The following BICRA variants were observed in gnomAD, a reference collection of about 807,000 sequenced individuals.
BICRA encodes the protein BRD4-interacting chromatin-remodeling complex-associated protein.
In BICRA, 31 loss-of-function variants were observed where a neutral mutation model predicts 96.9. The observed-to-expected ratio is 0.32, with a 90% confidence interval of 0.24 to 0.43. The LOEUF (loss-of-function observed/expected upper bound fraction) is 0.43. Ranked by LOEUF, BICRA falls within the 20% of genes least tolerant of loss-of-function variation. BICRA has a pLI of 1.00. For missense variants in BICRA, 2,283 were observed against 2,190.3 expected (o/e 1.04, Z -0.84); for synonymous variants, 1,350 against 1,071.8 (o/e 1.26, Z -5.07).
intron 1 of BICRA, among the ~76,000 whole-genome samples, chr19:47,660,002 GTC>G (rs1199540703): frequency 6.6e-6 from 1 of 152,062 alleles, no homozygotes; most frequent in African/African-American, 2.4e-5. Flanking sequence ...TATTGTATGC[GTC>G]TCTGTCTTAG....
In BICRA at chr19:47,613,043, G is replaced by A. The variant is rs141098284; in HGVS notation, c.-108+3875G>A. On this transcript the variant is annotated intron_variant, in intron 1 of 14. Coordinates refer to ENST00000594866, the MANE Select transcript of BICRA (RefSeq NM_001394372.1). ...TGAATGTAGGAACTGATCTTTTTGG[G>A]GGGCTGGTGGGAGAAGTCCGAGTGA... 1.2e-3 allele frequency among the ~76,000 whole-genome samples: 189 copies of A among 152,248 alleles called. 1 individual carries two copies. The highest frequency in any genetic ancestry group is 2.3e-3 in the Admixed American group (35 of 15,296).
At position 47,701,648 on chromosome 19, in the gene BICRA, A is replaced by G. The variant is rs774570521; in HGVS notation, c.3916A>G (p.Ile1306Val). ...CAAGACCTACGAGGCCCGGAGCCGCATCGGGCTCAAGCTCAAGATCAAGCA... is the reference window on the plus strand; with the variant it reads ...CAAGACCTACGAGGCCCGGAGCCGCGTCGGGCTCAAGCTCAAGATCAAGCA... ...PIKTYEARSR[I>V]GLKLKIKQEA... The change falls in exon 15 of 15, where the codon ATC becomes GTC. Residue 1306 changes from isoleucine to valine, a missense_variant. Coordinates refer to ENST00000594866, the MANE Select transcript of BICRA (RefSeq NM_001394372.1). This position sits in a 1 kb window ranked among gnomAD's most constrained non-coding sequence, Gnocchi z 5.4. 1 of 1,596,304 alleles carries G rather than the reference A, an allele frequency of 6.3e-7. No homozygotes were observed. The highest frequency in any genetic ancestry group is 8.5e-7 in the Non-Finnish European group (1 of 1,172,968).
Position 47,702,731 on chromosome 19 carries a change from GTT to G in BICRA, c.*318_*319del, listed in dbSNP as rs1973488223. 6 of 389,310 alleles carry G rather than the reference GTT, an allele frequency of 1.5e-5. No homozygotes were observed. The highest frequency in any genetic ancestry group is 2.7e-5 in the Non-Finnish European group (6 of 218,420). 24.1% of individuals were successfully genotyped at this position (389,310 alleles called of 1,614,324 possible). A position where few individuals can be genotyped will look rare whatever the true frequency, so the allele number is the denominator to read the frequency against. On this transcript the variant is annotated 3_prime_UTR_variant, in exon 15 of 15. Transcript: ENST00000594866. ...CTCTGTCCGGGGGACACGCGCATGT[GTT>G]TGCCAGGGATGGGGCCACCGGGTTG...
chr19:47,660,713 G>T (rs1046232525), intron 1 of BICRA, among the ~76,000 whole-genome samples: 3 of 152,148 alleles, frequency 2.0e-5, no homozygotes, highest in Non-Finnish European at 4.4e-5. Context: ...CCCCTGCTGT[G>T]GGGGGTGGAG....
At chr19:47,652,642 GTTGAC>G (rs1481622425) in intron 1 of BICRA, among the ~76,000 whole-genome samples, 5 of 152,190 alleles carry the variant, frequency 3.3e-5, no homozygotes, top group Non-Finnish European at 7.3e-5. Flanking sequence ...GCAAGTAACA[GTTGAC>G]TTGACCACTG....
intron 1 of BICRA, among the ~76,000 whole-genome samples, chr19:47,639,495 ATTT>A (rs1348445768): frequency 6.6e-6 from 1 of 150,798 alleles, no homozygotes; most frequent in East Asian, 2.0e-4. Flanking sequence ...CACCAGGCTA[ATTT>A]TTTAGTATTT....
At position 47,701,831 on chromosome 19, in the gene BICRA, C is replaced by T. The variant is rs1008350096; in HGVS notation, c.4099C>T (p.Pro1367Ser). 13 of 1,523,992 alleles carry T rather than the reference C, an allele frequency of 8.5e-6. No homozygotes were observed. In the African/African-American group the frequency reaches 1.7e-4, roughly 20 times the overall value. 94.4% of individuals were successfully genotyped at this position (1,523,992 alleles called of 1,614,324 possible). ...GATGAACGGCACGGTGGACCACCCGCCGCCTGCCGCCCCCGAGCGCAAGCC... is the reference window on the plus strand; with the variant it reads ...GATGAACGGCACGGTGGACCACCCGTCGCCTGCCGCCCCCGAGCGCAAGCC... Reference protein sequence around the residue: ...GQMNGTVDHPPPAAPERKPLG... With the variant: ...GQMNGTVDHPSPAAPERKPLG... The change falls in exon 15 of 15, where the codon CCG becomes TCG. Residue 1367 changes from proline to serine, a missense_variant. Coordinates refer to ENST00000594866, the MANE Select transcript of BICRA (RefSeq NM_001394372.1). This position sits in a 1 kb window ranked among gnomAD's most constrained non-coding sequence, Gnocchi z 5.4.
At chr19:47,683,940 A>G (rs892701022) in intron 7 of BICRA, among the ~76,000 whole-genome samples, 3 of 152,184 alleles carry the variant, frequency 2.0e-5, no homozygotes, top group Non-Finnish European at 4.4e-5. Context: ...ACCAGTGGAT[A>G]GGTAGGAAGA....
chr19:47,665,487 TG>T (rs896761064), intron 1 of BICRA, among the ~76,000 whole-genome samples: 5 of 152,042 alleles, frequency 3.3e-5, no homozygotes, highest in Non-Finnish European at 7.4e-5. Flanking sequence ...TTGTTTTTTT[TG>T]GGATGGGGTC....
In BICRA at chr19:47,701,234, C is replaced by T. The variant is rs1238164100; in HGVS notation, c.3596-94C>T. On this transcript the variant is annotated intron_variant, in intron 14 of 14. Transcript: ENST00000594866. This position sits in a 1 kb window ranked among gnomAD's most constrained non-coding sequence, Gnocchi z 5.4. ...GTCCAGGGTGCAGTCTGGTGCCTGG[C>T]AGGTAGTAGGTGCTCACTGCACACA... is the stretch of plus-strand genomic sequence containing the variant. 7 of 819,436 alleles carry T rather than the reference C, an allele frequency of 8.5e-6. No homozygotes were observed. Among genetic ancestry groups the T allele is most frequent in the African/African-American group, 1.7e-5 (1 of 58,722 alleles). 50.8% of individuals were successfully genotyped at this position (819,436 alleles called of 1,614,324 possible). A position where few individuals can be genotyped will look rare whatever the true frequency, so the allele number is the denominator to read the frequency against.
rs3074109 is a variant in BICRA, at chr19:47,685,741, CTGTGTG to C, written c.2283+3630_2283+3635del. 7.8e-3 allele frequency among the ~76,000 whole-genome samples: 901 copies of C among 115,530 alleles called. 5 individuals carry two copies. The highest frequency in any genetic ancestry group is 0.013 in the South Asian group (41 of 3,078). 75.8% of individuals were successfully genotyped at this position (115,530 alleles called of 152,430 possible). A position where few individuals can be genotyped will look rare whatever the true frequency, so the allele number is the denominator to read the frequency against. On this transcript the variant is annotated intron_variant, in intron 7 of 14. Coordinates refer to ENST00000594866, the MANE Select transcript of BICRA (RefSeq NM_001394372.1). ...TGTACCCAGATGGATTTGGCAGCCT[CTGTGTG>C]TGTGTGTGTGTGTGTGTGTGTGTGT...
intron 6 of BICRA, among the ~76,000 whole-genome samples, chr19:47,681,621 G>A (rs1973062614): frequency 6.6e-6 from 1 of 151,918 alleles, no homozygotes; most frequent in Non-Finnish European, 1.5e-5. Flanking sequence ...AGAGGAGAGG[G>A]ACCGGCAGGG....
In BICRA at chr19:47,694,311, C is replaced by G. The variant is rs750493145; in HGVS notation, c.2480C>G (p.Ala827Gly). The change falls in exon 8 of 15, where the codon GCC becomes GGC. Residue 827 changes from alanine to glycine, a missense_variant. Transcript: ENST00000594866. ...TTGCACCCTTGCCCCCCACCCCAGG[C>G]CCCCCCAACTCTGCCTGGCATCTTT... ...PPLHPCPPPQ[A>G]PPTLPGIFVI... 5.0e-6 allele frequency: 4 copies of G among 806,954 alleles called. No homozygotes were observed. Among genetic ancestry groups the G allele is most frequent in the Non-Finnish European group, 7.7e-6 (4 of 519,104 alleles). 50.0% of individuals were successfully genotyped at this position (806,954 alleles called of 1,614,324 possible). A position where few individuals can be genotyped will look rare whatever the true frequency, so the allele number is the denominator to read the frequency against.
Position 47,680,926 on chromosome 19 carries a change from G to T in BICRA, c.1756G>T (p.Val586Phe). 3 of 1,477,410 alleles carry T rather than the reference G, an allele frequency of 2.0e-6. No homozygotes were observed. The allele number at this position is 1,477,410 out of a possible 1,614,324, so 91.5% of individuals were successfully genotyped here. ...GGCCGCCACCACTGTCCTCCAGGGG[G>T]TCACCCTGCCCCCCAGCGCCGTGGC... ...GPAATTVLQG[V>F]TLPPSAVAML... Residue 586 changes from valine (V) to phenylalanine (F), a missense_variant, in exon 6 of 15, where the codon GTC (valine) becomes TTC (phenylalanine). Physicochemically the swap from Val to Phe is conservative, Grantham distance 50. Transcript: ENST00000594866.
In BICRA at chr19:47,633,950, A is replaced by G. The variant is rs138785483; in HGVS notation, c.-108+24782A>G. Among the ~76,000 whole-genome samples, 254 of 152,332 alleles carry G rather than the reference A, an allele frequency of 1.7e-3. 1 individual carries two copies. The highest frequency in any genetic ancestry group is 5.8e-3 in the African/African-American group (241 of 41,586). On this transcript the variant is annotated intron_variant, in intron 1 of 14. Transcript: ENST00000594866. ...CTGTGCGTTCACCCTGTCCCCCTCC[A>G]AAGCCTGAAAAACCCCTCATTTCAG...
In BICRA at chr19:47,679,515, G is replaced by A. The variant is rs2123584607; in HGVS notation, c.345G>A (p.Glu115=). 6.5e-7 allele frequency: 1 copy of A among 1,547,826 alleles called. No homozygotes were observed. Among genetic ancestry groups the A allele is most frequent in the Non-Finnish European group, 8.7e-7 (1 of 1,146,152 alleles). ...QQSLQEANIT[E]QTLEAEAELD... is the part of the protein sequence containing the mutation. Reference sequence around the variant, plus strand: ...GCCTCCAAGAGGCCAACATCACGGAGCAGACGCTGGAGGCCGAGGCTGAGC... The same window carrying A: ...GCCTCCAAGAGGCCAACATCACGGAACAGACGCTGGAGGCCGAGGCTGAGC... The change falls in exon 6 of 15, where the codon GAG becomes GAA. Residue 115 remains glutamate, a synonymous_variant. Coordinates refer to ENST00000594866, the MANE Select transcript of BICRA (RefSeq NM_001394372.1).
At position 47,627,373 on chromosome 19, in the gene BICRA, T is replaced by C. The variant is rs536228815; in HGVS notation, c.-108+18205T>C. Among the ~76,000 whole-genome samples the C allele has an allele frequency of 3.3e-5, 5 of 152,256 alleles. No homozygotes were observed. In the South Asian group the frequency reaches 1.0e-3, roughly 32 times the overall value. On this transcript the variant is annotated intron_variant, in intron 1 of 14. Transcript: ENST00000594866. ...GTTTCCCTAATCAGCTAGAGAGGCC[T>C]ACTTCCTCCTTGGAGGTTAAATAGA...
Position 47,634,756 on chromosome 19 carries a change from AT to A in BICRA, c.-108+25611del, listed in dbSNP as rs57492096. Reference sequence around the variant, plus strand: ...ACTCTCTTCTCTCTCTTAAAATTAAATTTTTTTTTTTTTTTTTTTTTTTGGA... The same window carrying A: ...ACTCTCTTCTCTCTCTTAAAATTAAATTTTTTTTTTTTTTTTTTTTTTGGA... On this transcript the variant is annotated intron_variant, in intron 1 of 14. Coordinates refer to ENST00000594866, the MANE Select transcript of BICRA (RefSeq NM_001394372.1). 1.9e-3 allele frequency among the ~76,000 whole-genome samples: 230 copies of A among 120,278 alleles called. 1 individual carries two copies. The highest frequency in any genetic ancestry group is 0.018 in the East Asian group (76 of 4,254). The allele number at this position is 120,278 out of a possible 152,430, so 78.9% of individuals were successfully genotyped here.
At chr19:47,646,182 G>T (rs894221774) in intron 1 of BICRA, among the ~76,000 whole-genome samples, 1 of 152,214 alleles carries the variant, frequency 6.6e-6, no homozygotes, top group Admixed American at 6.5e-5. Context: ...GATCTGGCAG[G>T]GGGTGGAGGA....
Sources: gnomAD v4.1 joint callset for allele counts (sites outside exome capture counted in the v4.1 genomes callset) on GRCh38, gnomAD v4.1.1 for gene constraint, Gnocchi (gnomAD v3.1) non-coding constraint, MANE v1.5 for transcripts, NCBI Gene and HGNC (gene_info 2026-07-23, HGNC 2026-07-21) for gene names.